The following KCTD20 variants were observed in gnomAD, a reference collection of about 807,000 sequenced individuals.
KCTD20 encodes BTB/POZ domain-containing protein KCTD20.
Under a neutral mutation model 39.6 loss-of-function variants are expected in KCTD20, and 30 were observed. The ratio of observed to expected loss-of-function variants is 0.76; its 90% CI spans 0.57 to 1.03. The LOEUF (loss-of-function observed/expected upper bound fraction) is 1.03. Ranked by LOEUF, KCTD20 falls within the 50% of genes least tolerant of loss-of-function variation. KCTD20 has a pLI of 0.00. For synonymous variants in KCTD20, 162 were observed against 180.6 expected (o/e 0.90, Z 0.83); for missense variants, 422 against 522.0 (o/e 0.81, Z 1.87).
At chr6:36,471,797 G>A (rs1561952930) in intron 2 of KCTD20, among the ~76,000 whole-genome samples, 1 of 151,844 alleles carries the variant, frequency 6.6e-6, no homozygotes, top group Non-Finnish European at 1.5e-5. Flanking sequence ...CTTCATTATT[G>A]GGGAGAAATC....
In KCTD20 at chr6:36,474,787, A is replaced by C; in HGVS notation, c.161-2A>C. ...TTTTGGTTTCTTTGTATGTTCTTTTAGACCTCTCACTTGACTATGCCTCTC... is the reference window on the plus strand; with the variant it reads ...TTTTGGTTTCTTTGTATGTTCTTTTCGACCTCTCACTTGACTATGCCTCTC... On this transcript the variant is annotated splice_acceptor_variant, in intron 2 of 7. Coordinates refer to ENST00000373731, the MANE Select transcript of KCTD20 (RefSeq NM_173562.5). LOFTEE classifies it high-confidence loss of function. 6.3e-7 allele frequency: 1 copy of C among 1,595,034 alleles called. No homozygotes were observed. Among genetic ancestry groups the C allele is most frequent in the East Asian group, 2.2e-5 (1 of 44,482 alleles).
intron 2 of KCTD20, 62 bp from the exon 3 acceptor site, chr6:36,474,727 T>TTTA: frequency 1.4e-6 from 2 of 1,427,108 alleles, no homozygotes; most frequent in South Asian, 1.5e-5. Flanking sequence ...GAAGACAGGG[T>TTTA]TTATTTTTCT....
At chr6:36,474,758 G>A (rs1776012302) in intron 2 of KCTD20, 31 bp from the exon 3 acceptor site, 2 of 1,517,988 alleles carry the variant, frequency 1.3e-6, no homozygotes, top group East Asian at 4.7e-5. Flanking sequence ...TTGCTCTCAA[G>A]TTGTTTTGGT....
At chr6:36,457,412 T>C (rs1327809341) in intron 1 of KCTD20, among the ~76,000 whole-genome samples, 1 of 152,212 alleles carries the variant, frequency 6.6e-6, no homozygotes, top group Non-Finnish European at 1.5e-5. Context: ...GTCTGTATCC[T>C]AATCAAATGT....
chr6:36,457,237 T>G (rs1279698384), intron 1 of KCTD20, among the ~76,000 whole-genome samples: 1 of 152,204 alleles, frequency 6.6e-6, no homozygotes, highest in Non-Finnish European at 1.5e-5. Flanking sequence ...CTGTATGCTA[T>G]TCCTGAATTA....
In KCTD20 at chr6:36,466,673, C is replaced by T. The variant is rs114528435; in HGVS notation, c.-46-3379C>T. On this transcript the variant is annotated intron_variant, in intron 1 of 7. Coordinates refer to ENST00000373731, the MANE Select transcript of KCTD20 (RefSeq NM_173562.5). ...CTGAGACTACAGGTGTGAGCCACTG[C>T]GCCTTGCCTTTTTTTCTTTCCTTTT... Among the ~76,000 whole-genome samples, 751 of 152,092 alleles carry T rather than the reference C, an allele frequency of 4.9e-3. 4 individuals carry two copies. Among genetic ancestry groups the T allele is most frequent in the African/African-American group, 0.017 (695 of 41,502 alleles).
chr6:36,452,999 CTTT>C (rs59865602), intron 1 of KCTD20, among the ~76,000 whole-genome samples: 2,052 of 57,918 alleles, frequency 0.035, 22 homozygotes, highest in African/African-American at 0.13. Flanking sequence ...GTTTTCTTAG[CTTT>C]TTTTTTTTTT....
At chr6:36,445,966 G>A (rs1431893405) in intron 1 of KCTD20, among the ~76,000 whole-genome samples, 2 of 150,998 alleles carry the variant, frequency 1.3e-5, no homozygotes, top group Non-Finnish European at 1.5e-5. Context: ...AGTAGTGAAA[G>A]GACAAATAAG....
At chr6:36,460,126 TG>T (rs1561947154) in intron 1 of KCTD20, among the ~76,000 whole-genome samples, 1 of 152,206 alleles carries the variant, frequency 6.6e-6, no homozygotes, top group Non-Finnish European at 1.5e-5. Flanking sequence ...CCAGCTTTTT[TG>T]TAGGAGTCGT....
chr6:36,465,310 A>AAAT (rs1775715207), intron 1 of KCTD20, among the ~76,000 whole-genome samples: 1 of 151,566 alleles, frequency 6.6e-6, no homozygotes, highest in South Asian at 2.1e-4. Context: ...AAAAAAAAAA[A>AAAT]AAACAGTATG....
Position 36,479,731 on chromosome 6 carries a change from C to T in KCTD20, c.658+20C>T. 2 of 1,571,750 alleles carry T rather than the reference C, an allele frequency of 1.3e-6. No homozygotes were observed. The highest frequency in any genetic ancestry group is 1.7e-6 in the Non-Finnish European group (2 of 1,162,378). On this transcript the variant is annotated intron_variant, in intron 5 of 7. Transcript: ENST00000373731. ...ATCTGAGTAAGTACAGGAGCAGGTG[C>T]CAGCTGCACTTAAGCAGCTGAACTT...
chr6:36,462,107 G>A (rs1276556046), intron 1 of KCTD20, among the ~76,000 whole-genome samples: 1 of 151,946 alleles, frequency 6.6e-6, no homozygotes, highest in Non-Finnish European at 1.5e-5. Flanking sequence ...ACTCTCTTTT[G>A]GGTATCTGCC....
chr6:36,476,696 G>C (rs767061356), intron 3 of KCTD20, among the ~76,000 whole-genome samples: 5 of 152,066 alleles, frequency 3.3e-5, no homozygotes, highest in Non-Finnish European at 5.9e-5. Context: ...CCAAAGTGCT[G>C]GGATTACAGG....
At chr6:36,461,765 G>A (rs1038211541) in intron 1 of KCTD20, among the ~76,000 whole-genome samples, 2 of 152,138 alleles carry the variant, frequency 1.3e-5, no homozygotes, top group African/African-American at 2.4e-5. Context: ...AGTAAGTTAG[G>A]AGTGTCAAAT....
rs140852020 is a variant in KCTD20 at position 36,466,283 on chromosome 6, G to A, written c.-46-3769G>A. On this transcript the variant is annotated intron_variant, in intron 1 of 7. Coordinates refer to ENST00000373731, the MANE Select transcript of KCTD20 (RefSeq NM_173562.5). ...TCACCATGTTGGCCAGGATGGTCTC[G>A]ATCTCCTAACCTCAGGTGATCCGCC... Among the ~76,000 whole-genome samples, 1,002 of 151,690 alleles carry A rather than the reference G, an allele frequency of 6.6e-3. 9 individuals are homozygous for A. The highest frequency in any genetic ancestry group is 0.021 in the African/African-American group (881 of 41,350).
chr6:36,444,881 C>T (rs16888552), intron 1 of KCTD20, among the ~76,000 whole-genome samples: 30,222 of 152,162 alleles, frequency 0.2, 3,169 homozygotes, highest in East Asian at 0.39. Flanking sequence ...CAGAAATACA[C>T]GTACTATTCC....
intron 2 of KCTD20, 120 bp downstream of exon 2, chr6:36,470,377 C>CA: frequency 1.1e-6 from 1 of 938,546 alleles, no homozygotes; most frequent in African/African-American, 1.6e-5. Context: ...GCTTAGCTTG[C>CA]ATGTCACAAT....
At chr6:36,445,261 C>CAAA (rs34039126) in intron 1 of KCTD20, among the ~76,000 whole-genome samples, 4,677 of 79,500 alleles carry the variant, frequency 0.059, 169 homozygotes, top group South Asian at 0.12. Context: ...GACTCCGTCT[C>CAAA]AAAAAAAAAA....
At chr6:36,462,455 A>G (rs1235570876) in intron 1 of KCTD20, among the ~76,000 whole-genome samples, 1 of 152,192 alleles carries the variant, frequency 6.6e-6, no homozygotes, top group Non-Finnish European at 1.5e-5. Context: ...TAGTTCCCAA[A>G]CATCGCCAGT....
Sources: gnomAD v4.1 joint callset for allele counts (sites outside exome capture counted in the v4.1 genomes callset) on GRCh38, gnomAD v4.1.1 for gene constraint, MANE v1.5 for transcripts, NCBI Gene and HGNC (gene_info 2026-07-23, HGNC 2026-07-21) for gene names.